ALCAM: variants seen among roughly 807,000 people sequenced by gnomAD.
ALCAM encodes CD166 antigen.
In ALCAM, 30 loss-of-function variants were observed where a neutral mutation model predicts 70.9. The ratio of observed to expected loss-of-function variants is 0.42; its 90% CI spans 0.32 to 0.57. The LOEUF (loss-of-function observed/expected upper bound fraction) is 0.57. ALCAM is among the 20% of genes least tolerant of loss of function. ALCAM has a pLI of 0.11. For missense variants in ALCAM, 591 were observed against 695.1 expected (o/e 0.85, Z 1.68); for synonymous variants, 249 against 242.5 (o/e 1.03, Z -0.25).
At position 105,552,573 on chromosome 3, in the gene ALCAM, T is replaced by G. The variant is rs552334316; in HGVS notation, c.1652T>G (p.Met551Arg). The G allele has an allele frequency of 6.2e-7, 1 of 1,611,408 alleles. No homozygotes were observed. Among genetic ancestry groups the G allele is most frequent in the Non-Finnish European group, 8.5e-7 (1 of 1,178,142 alleles). ...GCTGGTGTCGTCTACTGGCTGTACATGAAGAAGTCAAAGTGAGTTGTGGAA... is the reference window on the plus strand; with the variant it reads ...GCTGGTGTCGTCTACTGGCTGTACAGGAAGAAGTCAAAGTGAGTTGTGGAA... ...LVAGVVYWLY[M>R]KKSKTASKHV... is the part of the protein sequence containing the mutation. The change falls in exon 14 of 16, where the codon ATG (methionine) becomes AGG (arginine). Residue 551 changes from methionine (M) to arginine (R), a missense_variant. Around this residue, in one of 2 missense-constraint regions of ALCAM, gnomAD observed 164 missense variants for 244.7 expected, o/e 0.67. Coordinates refer to ENST00000306107, the MANE Select transcript of ALCAM (RefSeq NM_001627.4).
At chr3:105,388,918 A>G (rs1459365542) in intron 1 of ALCAM, among the ~76,000 whole-genome samples, 1 of 151,628 alleles carries the variant, frequency 6.6e-6, no homozygotes, top group Non-Finnish European at 1.5e-5. Flanking sequence ...GAAAAATGGA[A>G]GAAAGAATAA....
intron 1 of ALCAM, among the ~76,000 whole-genome samples, chr3:105,413,929 A>C (rs1395242035): frequency 6.6e-6 from 1 of 152,166 alleles, no homozygotes; most frequent in African/African-American, 2.4e-5. Context: ...AACATTATTT[A>C]GTTCCATTTA....
intron 8 of ALCAM, among the ~76,000 whole-genome samples, chr3:105,544,028 T>G (rs1300592972): frequency 6.6e-6 from 1 of 151,568 alleles, no homozygotes; most frequent in Non-Finnish European, 1.5e-5. Flanking sequence ...GAGACAAACT[T>G]TAAAAATGAT....
chr3:105,548,717 A>G (rs1423214962), intron 11 of ALCAM, among the ~76,000 whole-genome samples: 2 of 151,466 alleles, frequency 1.3e-5, no homozygotes, highest in Non-Finnish European at 1.5e-5. Flanking sequence ...GAAAGCATAT[A>G]AGAGGAGGCA....
In ALCAM at chr3:105,470,132, T is replaced by TACACACAC. The variant is rs35560211; in HGVS notation, c.74-49911_74-49904dup. Among the ~76,000 whole-genome samples, 1,010 of 145,810 alleles carry TACACACAC rather than the reference T, an allele frequency of 6.9e-3. 8 individuals carry two copies. The highest frequency in any genetic ancestry group is 0.02 in the African/African-American group (812 of 39,730). On this transcript the variant is annotated intron_variant, in intron 1 of 15. Transcript: ENST00000306107. ...GTGTGTGTATGATATGTTATATACA[T>TACACACAC]ACACACACACACACACACACACACA...
At chr3:105,538,633 A>G (rs1387151260) in intron 6 of ALCAM, among the ~76,000 whole-genome samples, 2 of 152,248 alleles carry the variant, frequency 1.3e-5, no homozygotes, top group East Asian at 3.9e-4. Flanking sequence ...GATGTGCCAC[A>G]GTGACATGCC....
intron 1 of ALCAM, among the ~76,000 whole-genome samples, chr3:105,429,378 G>A (rs1936871197): frequency 6.6e-6 from 1 of 151,826 alleles, no homozygotes; most frequent in Non-Finnish European, 1.5e-5. Flanking sequence ...AAAGCCCATT[G>A]GATATTTTGA....
intron 1 of ALCAM, among the ~76,000 whole-genome samples, chr3:105,404,955 A>G (rs1198784245): frequency 6.6e-6 from 1 of 152,042 alleles, no homozygotes; most frequent in Admixed American, 6.6e-5. Context: ...GTCAGACGAA[A>G]CAAACTTTAA....
intron 1 of ALCAM, among the ~76,000 whole-genome samples, chr3:105,496,664 G>A (rs542474951): frequency 1.3e-5 from 2 of 152,224 alleles, no homozygotes; most frequent in South Asian, 4.2e-4. Flanking sequence ...GACATTCTTG[G>A]TGTTAGGCAC....
At chr3:105,370,863 A>G (rs935283924) in intron 1 of ALCAM, among the ~76,000 whole-genome samples, 4 of 152,150 alleles carry the variant, frequency 2.6e-5, no homozygotes, top group Non-Finnish European at 1.5e-5. Context: ...CTGTTCCTAT[A>G]TAAACTGCAT....
chr3:105,565,665 GTTTGGATGTTGGAAA>G (rs763716097), intron 14 of ALCAM, among the ~76,000 whole-genome samples: 1 of 151,974 alleles, frequency 6.6e-6, no homozygotes, highest in Non-Finnish European at 1.5e-5. Context: ...AGTAATTTTT[GTTTGGATGTTGGAAA>G]TTTGGATGTT....
At chr3:105,513,084 C>A (rs146808944) in intron 1 of ALCAM, among the ~76,000 whole-genome samples, 8 of 146,276 alleles carry the variant, frequency 5.5e-5, no homozygotes, top group Non-Finnish European at 1.1e-4. Context: ...CCTATCCCCC[C>A]CAAAGCACCC....
intron 1 of ALCAM, among the ~76,000 whole-genome samples, chr3:105,453,379 T>C (rs553521556): frequency 6.6e-6 from 1 of 152,246 alleles, no homozygotes; most frequent in African/African-American, 2.4e-5. Context: ...GATTAGATGG[T>C]TGTAGATGTG....
chr3:105,442,280 T>G (rs1937188177), intron 1 of ALCAM, among the ~76,000 whole-genome samples: 1 of 152,164 alleles, frequency 6.6e-6, no homozygotes. Context: ...TTAAACATAA[T>G]ATGGGCTCAA....
Position 105,571,887 on chromosome 3 carries a change from A to C in ALCAM, c.1700A>C (p.Asn567Thr). 6 of 1,613,628 alleles carry C rather than the reference A, an allele frequency of 3.7e-6. No individual in the cohort carries two copies. Among genetic ancestry groups the C allele is most frequent in the Non-Finnish European group, 5.1e-6 (6 of 1,179,650 alleles). Residue 567 changes from asparagine (N) to threonine (T), a missense_variant, in exon 15 of 16, where the codon AAT (asparagine) becomes ACT (threonine). Physicochemically the swap from Asn to Thr is moderately conservative, Grantham distance 65. Around this residue, in one of 2 missense-constraint regions of ALCAM, gnomAD observed 164 missense variants for 244.7 expected, o/e 0.67. Coordinates refer to ENST00000306107, the MANE Select transcript of ALCAM (RefSeq NM_001627.4). ...AAACATGTAAACAAGGACCTCGGTA[A>C]TATGGAAGAAAACAAAAAGTTAGAA... ...ASKHVNKDLG[N>T]MEENKKLEEN... is the part of the protein sequence containing the mutation.
At chr3:105,408,896 T>C (rs577243383) in intron 1 of ALCAM, among the ~76,000 whole-genome samples, 8 of 152,110 alleles carry the variant, frequency 5.3e-5, no homozygotes, top group South Asian at 2.1e-4. Flanking sequence ...AGGAGATGAA[T>C]AGATAATTCT....
chr3:105,389,376 T>TTG (rs1935744281), intron 1 of ALCAM, among the ~76,000 whole-genome samples: 1 of 126,378 alleles, frequency 7.9e-6, no homozygotes, highest in Non-Finnish European at 1.7e-5. Context: ...ACATAGTTTT[T>TTG]TTTTTTTTTT....
chr3:105,428,475 A>G (rs1936848262), intron 1 of ALCAM, among the ~76,000 whole-genome samples: 1 of 151,900 alleles, frequency 6.6e-6, no homozygotes, highest in Non-Finnish European at 1.5e-5. Context: ...TTTTAAATAT[A>G]TAATGGATAT....
At chr3:105,547,971 G>A (rs1021373118) in intron 11 of ALCAM, among the ~76,000 whole-genome samples, 6 of 151,386 alleles carry the variant, frequency 4.0e-5, no homozygotes, top group South Asian at 2.1e-4. Flanking sequence ...CTATGTCCTC[G>A]TGTAGGAATG....
Sources: allele counts gnomAD v4.1 joint callset (sites outside exome capture counted in the v4.1 genomes callset), GRCh38; gene constraint gnomAD v4.1.1; regional missense constraint gnomAD v4.1.1; transcripts MANE v1.5; gene names NCBI Gene and HGNC (gene_info 2026-07-23, HGNC 2026-07-21).